Variants in FGF12 observed in about 807,000 individuals in gnomAD.
The protein encoded by FGF12 is fibroblast growth factor 12B.
FGF12 carries 14 observed loss-of-function variants against 23.6 expected under a neutral mutation model. The observed-to-expected ratio is 0.59, with a 90% CI of 0.39 to 0.93. The LOEUF (loss-of-function observed/expected upper bound fraction) is 0.93, where lower values mean the gene tolerates loss of function less well. FGF12 is among the 40% of genes least tolerant of loss of function. The pLI, the probability that FGF12 is intolerant of heterozygous loss-of-function variation, is 0.00. For missense variants in FGF12, 175 were observed against 217.8 expected (o/e 0.80, Z 1.24); for synonymous variants, 62 against 77.3 (o/e 0.80, Z 1.04).
At chr3:192,235,059 A>C (rs534321056) in intron 4 of FGF12, among the ~76,000 whole-genome samples, 1 of 152,142 alleles carries the variant, frequency 6.6e-6, no homozygotes. Flanking sequence ...GCCTCATAGA[A>C]TGAGTTAGGC....
chr3:192,255,734 C>G (rs1439584336), intron 4 of FGF12, among the ~76,000 whole-genome samples: 1 of 151,884 alleles, frequency 6.6e-6, no homozygotes, highest in Non-Finnish European at 1.5e-5. Context: ...CATGTCGGAC[C>G]CCCAAGCAGT....
At chr3:192,529,917 A>G (rs1024766409) in intron 2 of FGF12, among the ~76,000 whole-genome samples, 3 of 152,166 alleles carry the variant, frequency 2.0e-5, no homozygotes, top group African/African-American at 7.2e-5. Flanking sequence ...CAGCCAAACC[A>G]TATCAGTGAG....
intron 5 of FGF12, among the ~76,000 whole-genome samples, chr3:192,149,448 A>C (rs561773383): frequency 8.1e-6 from 1 of 122,836 alleles, no homozygotes; most frequent in Non-Finnish European, 1.7e-5. Context: ...ATATCTCCCA[A>C]TGCTATCCCT....
chr3:192,505,203 A>C (rs766365150), intron 2 of FGF12, among the ~76,000 whole-genome samples: 9 of 152,166 alleles, frequency 5.9e-5, no homozygotes, highest in Admixed American at 2.6e-4. Context: ...ATGATTCACT[A>C]TTCTCCACCT....
chr3:192,573,624 G>T (rs1712747262), intron 2 of FGF12, among the ~76,000 whole-genome samples: 1 of 151,888 alleles, frequency 6.6e-6, no homozygotes, highest in South Asian at 2.1e-4. Context: ...AATCACATGA[G>T]CCAATTTCTT....
chr3:192,553,957 C>T (rs370461245), intron 2 of FGF12, among the ~76,000 whole-genome samples: 37 of 152,288 alleles, frequency 2.4e-4, no homozygotes, highest in African/African-American at 8.7e-4. Context: ...TGGCTCAGTG[C>T]AGAATGAGTA....
intron 2 of FGF12, among the ~76,000 whole-genome samples, chr3:192,467,386 G>GA (rs1183132614): frequency 6.6e-6 from 1 of 152,100 alleles, no homozygotes; most frequent in African/African-American, 2.4e-5. Context: ...GTAAATTCCT[G>GA]AATCTGTTTA....
At chr3:192,400,208 A>C (rs1720699711) in intron 2 of FGF12, among the ~76,000 whole-genome samples, 1 of 152,206 alleles carries the variant, frequency 6.6e-6, no homozygotes, top group African/African-American at 2.4e-5. Context: ...GCAGAAAAAT[A>C]GAACTTTATA....
At chr3:192,481,176 T>C (rs1036688631) in intron 2 of FGF12, among the ~76,000 whole-genome samples, 2 of 152,202 alleles carry the variant, frequency 1.3e-5, no homozygotes, top group Non-Finnish European at 1.5e-5. Flanking sequence ...CTAAGATCTC[T>C]AGGGCTTGCT....
intron 2 of FGF12, among the ~76,000 whole-genome samples, chr3:192,679,380 T>G (rs1000284800): frequency 1.3e-5 from 2 of 152,100 alleles, no homozygotes; most frequent in African/African-American, 2.4e-5. Flanking sequence ...GGTGGATCAC[T>G]TGAGGTCAGG....
Position 192,372,242 on chromosome 3 carries a change from T to C in FGF12, c.14-11704A>G, listed in dbSNP as rs533401976. ...CAGGGGAGCTGCACAAATGTTGGAC[T>C]TGTCCTGAAACTGCCTTGGATATCA... is the stretch of plus-strand genomic sequence containing the variant. On this transcript the variant is annotated intron_variant, in intron 2 of 5. Coordinates refer to ENST00000445105, the MANE Select transcript of FGF12 (RefSeq NM_004113.6). 2.6e-5 allele frequency among the ~76,000 whole-genome samples: 4 copies of C among 152,346 alleles called. 1 individual carries two copies. Among genetic ancestry groups the C allele is most frequent in the African/African-American group, 9.6e-5 (4 of 41,586 alleles).
intron 4 of FGF12, among the ~76,000 whole-genome samples, chr3:192,211,672 C>T (rs1237360606): frequency 1.3e-5 from 2 of 152,212 alleles, no homozygotes; most frequent in East Asian, 1.9e-4. Context: ...GGTGACCCAC[C>T]TGCCTCAACC....
intron 4 of FGF12, among the ~76,000 whole-genome samples, chr3:192,221,000 CAA>C (rs1246742309): frequency 1.3e-5 from 2 of 152,100 alleles, no homozygotes; most frequent in African/African-American, 4.8e-5. Context: ...ATCTGAATGA[CAA>C]AGAGGTGAGT....
chr3:192,646,722 G>A (rs1280279472), intron 2 of FGF12, among the ~76,000 whole-genome samples: 1 of 152,066 alleles, frequency 6.6e-6, no homozygotes, highest in African/African-American at 2.4e-5. Context: ...GGGAAAATGG[G>A]GAATGACTGC....
At chr3:192,533,957 C>T (rs1577040573) in intron 2 of FGF12, 1 of 151,914 alleles carries the variant, frequency 6.6e-6, no homozygotes, top group Admixed American at 6.5e-5. Context: ...TATCTCTATT[C>T]CTCTTTATAA....
intron 2 of FGF12, among the ~76,000 whole-genome samples, chr3:192,616,651 T>C (rs1714765311): frequency 6.6e-6 from 1 of 151,992 alleles, no homozygotes; most frequent in Non-Finnish European, 1.5e-5. Flanking sequence ...GATGAGTAGC[T>C]CATCTGTTTG....
rs540983443 is a variant in FGF12 at position 192,629,713 on chromosome 3, A to G, written c.13+97468T>C. ...CAAAAAAGTACAAAGGCAAATGATG[A>G]TAAGAGAAAATACTACAAACAGAAT... On this transcript the variant is annotated intron_variant, in intron 2 of 5. Coordinates refer to ENST00000445105, the MANE Select transcript of FGF12 (RefSeq NM_004113.6). 2.6e-5 allele frequency among the ~76,000 whole-genome samples: 4 copies of G among 152,338 alleles called. No homozygotes were observed. In the South Asian group the frequency reaches 6.2e-4, roughly 24 times the overall value.
At chr3:192,303,641 T>A (rs1310829439) in intron 4 of FGF12, among the ~76,000 whole-genome samples, 1 of 152,222 alleles carries the variant, frequency 6.6e-6, no homozygotes, top group Non-Finnish European at 1.5e-5. Flanking sequence ...GTGTTTAAAT[T>A]ATGAACAGGT....
intron 2 of FGF12, among the ~76,000 whole-genome samples, chr3:192,439,518 G>C (rs1406045796): frequency 6.6e-6 from 1 of 152,154 alleles, no homozygotes; most frequent in African/African-American, 2.4e-5. Flanking sequence ...TTCCTTCTAT[G>C]TGCTGAGCAT....
Sources: allele counts gnomAD v4.1 joint callset (sites outside exome capture counted in the v4.1 genomes callset), GRCh38; gene constraint gnomAD v4.1.1; transcripts MANE v1.5; gene names NCBI Gene and HGNC (gene_info 2026-07-23, HGNC 2026-07-21).